Variants in CPT1A observed in about 807,000 individuals in gnomAD.
The protein encoded by CPT1A is carnitine palmitoyltransferase 1A, also known as carnitine O-palmitoyltransferase 1, liver isoform.
A neutral mutation model predicts 100.8 loss-of-function variants in CPT1A; 64 were observed. That is an observed-to-expected ratio of 0.63 (90% confidence interval 0.52 to 0.78). The LOEUF (loss-of-function observed/expected upper bound fraction) is 0.78, where lower values mean the gene tolerates loss of function less well. Among genes scored for constraint, CPT1A ranks in the 30% least tolerant of loss-of-function variants. The probability of loss-of-function intolerance (pLI) is 0.00; values close to 1 mark genes in which losing one functional copy is unlikely to be tolerated. For synonymous variants in CPT1A, 363 were observed against 396.0 expected (o/e 0.92, Z 0.99); for missense variants, 802 against 1,034.1 (o/e 0.78, Z 3.08).
chr11:68,789,160 T>C (rs1357362193), intron 9 of CPT1A, among the ~76,000 whole-genome samples: 1 of 152,230 alleles, frequency 6.6e-6, no homozygotes, highest in African/African-American at 2.4e-5. Context: ...TTCTAAATTT[T>C]GGTAGTAATT....
Position 68,819,377 on chromosome 11 carries a change from G to A in CPT1A, c.-13-3890C>T, listed in dbSNP as rs191928375. Among the ~76,000 whole-genome samples, 27 of 152,210 alleles carry A rather than the reference G, an allele frequency of 1.8e-4. 1 individual carries two copies. In the South Asian group the frequency reaches 2.3e-3, roughly 13 times the overall value. On this transcript the variant is annotated intron_variant, in intron 1 of 18. Coordinates refer to ENST00000265641, the MANE Select transcript of CPT1A (RefSeq NM_001876.4). ...TTACTGCTATGAGCCACCACGCCCC[G>A]CCTCAAGGTTAACTCTTAGCCCCCT...
chr11:68,760,552 G>A (rs533611463), intron 16 of CPT1A, among the ~76,000 whole-genome samples: 2 of 152,148 alleles, frequency 1.3e-5, no homozygotes, highest in Non-Finnish European at 2.9e-5. Context: ...AGTGCAGGGT[G>A]GGGGTGGGGG....
chr11:68,818,752 G>A (rs982143286), intron 1 of CPT1A: 1 of 152,226 alleles, frequency 6.6e-6, no homozygotes, highest in Non-Finnish European at 1.5e-5. Context: ...CAGCTACTTG[G>A]GAAGCTGAGG....
chr11:68,829,965 T>G (rs756961124), intron 1 of CPT1A, among the ~76,000 whole-genome samples: 2 of 152,114 alleles, frequency 1.3e-5, no homozygotes, highest in Non-Finnish European at 2.9e-5. Flanking sequence ...CTGCCCCAAG[T>G]GGACACGAGC....
intron 6 of CPT1A, 144 bp from the exon 7 acceptor site, chr11:68,797,077 G>C (rs1855774841): frequency 2.7e-6 from 2 of 742,460 alleles, no homozygotes; most frequent in Admixed American, 2.0e-5. Context: ...CCAGAACAGG[G>C]AACGCAGTCC....
intron 7 of CPT1A, 46 bp downstream of exon 7, chr11:68,796,810 C>A: frequency 1.3e-6 from 2 of 1,589,984 alleles, no homozygotes; most frequent in Non-Finnish European, 8.6e-7. Context: ...ACAGACCCGC[C>A]GCCCCACCGT....
intron 1 of CPT1A, among the ~76,000 whole-genome samples, chr11:68,818,398 G>A (rs1856489828): frequency 6.6e-6 from 1 of 152,190 alleles, no homozygotes; most frequent in South Asian, 2.1e-4. Context: ...TCCGGGTGGA[G>A]ATGCCCCACA....
chr11:68,794,792 T>C lies in CPT1A; in HGVS notation c.879+12A>G. 6.2e-7 allele frequency: 1 copy of C among 1,604,048 alleles called. No individual in the cohort carries two copies. The highest frequency in any genetic ancestry group is 8.5e-7 in the Non-Finnish European group (1 of 1,170,800). ...TTGAAAATAATTTTTTTAAAGCAATTTGTTTGCCTACTGGTTTGATTTCCT... is the reference window on the plus strand; with the variant it reads ...TTGAAAATAATTTTTTTAAAGCAATCTGTTTGCCTACTGGTTTGATTTCCT... On this transcript the variant is annotated intron_variant, in intron 8 of 18. Transcript: ENST00000265641.
At chr11:68,770,521 C>T (rs901765110) in intron 14 of CPT1A, among the ~76,000 whole-genome samples, 4 of 152,318 alleles carry the variant, frequency 2.6e-5, no homozygotes, top group East Asian at 3.9e-4. Context: ...TATTAATACA[C>T]GATGCCACTT....
intron 1 of CPT1A, among the ~76,000 whole-genome samples, chr11:68,832,144 G>T (rs1856896686): frequency 6.6e-6 from 1 of 152,184 alleles, no homozygotes; most frequent in African/African-American, 2.4e-5. Context: ...AAATAGCAGG[G>T]CTGGAAATCA....
At position 68,841,617 on chromosome 11, in the gene CPT1A, G is replaced by A. The variant is rs570900455; in HGVS notation, c.-14+158C>T. ...GGTTCAGGATCTCCACAACCCCGCC[G>A]TCCGGGGGGAATACCGGGGTTCCTC... On this transcript the variant is annotated intron_variant, in intron 1 of 18. Coordinates refer to ENST00000265641, the MANE Select transcript of CPT1A (RefSeq NM_001876.4). The surrounding 1 kb of genome is among the most constrained non-coding windows in gnomAD (Gnocchi z 6.3). 6.6e-6 allele frequency among the ~76,000 whole-genome samples: 1 copy of A among 152,214 alleles called. No homozygotes were observed. Among genetic ancestry groups the A allele is most frequent in the East Asian group, 1.9e-4 (1 of 5,178 alleles).
intron 1 of CPT1A, among the ~76,000 whole-genome samples, chr11:68,821,685 T>C (rs529136361): frequency 6.6e-6 from 1 of 152,248 alleles, no homozygotes; most frequent in African/African-American, 2.4e-5. Flanking sequence ...TTTTATTTTG[T>C]ATTATTTTTT....
At chr11:68,823,565 G>A (rs1856642124) in intron 1 of CPT1A, among the ~76,000 whole-genome samples, 1 of 151,866 alleles carries the variant, frequency 6.6e-6, no homozygotes, top group African/African-American at 2.4e-5. Flanking sequence ...GAGGCGGGAG[G>A]ATCAACTGAG....
At chr11:68,789,230 A>G (rs1294116955) in intron 9 of CPT1A, among the ~76,000 whole-genome samples, 3 of 152,190 alleles carry the variant, frequency 2.0e-5, no homozygotes, top group Non-Finnish European at 4.4e-5. Context: ...GACCCTTAAG[A>G]TAAGTCTATA....
At chr11:68,837,638 C>T (rs1857041325) in intron 1 of CPT1A, among the ~76,000 whole-genome samples, 1 of 152,146 alleles carries the variant, frequency 6.6e-6, no homozygotes, top group Non-Finnish European at 1.5e-5. Flanking sequence ...ACAGGAATAA[C>T]AGTGCCCCTC....
At chr11:68,803,717 T>A (rs545056790) in intron 5 of CPT1A, among the ~76,000 whole-genome samples, 85 of 71,576 alleles carry the variant, frequency 1.2e-3, no homozygotes, top group African/African-American at 4.5e-3. Flanking sequence ...TCACAAAAAA[T>A]AAAATAAAAT....
At chr11:68,826,588 A>T (rs1233319852) in intron 1 of CPT1A, among the ~76,000 whole-genome samples, 1 of 151,346 alleles carries the variant, frequency 6.6e-6, no homozygotes, top group Admixed American at 6.6e-5. Flanking sequence ...CAAAAAAAAA[A>T]TTAGCCGGGC....
chr11:68,809,245 C>T (rs528479896), intron 3 of CPT1A, among the ~76,000 whole-genome samples: 2 of 152,140 alleles, frequency 1.3e-5, no homozygotes, highest in Admixed American at 6.5e-5. Flanking sequence ...ATTTAAGAAG[C>T]TATCTTTTAG....
chr11:68,822,271 C>T (rs1566382999), intron 1 of CPT1A, among the ~76,000 whole-genome samples: 1 of 152,048 alleles, frequency 6.6e-6, no homozygotes, highest in African/African-American at 2.4e-5. Flanking sequence ...GTGGCTCACC[C>T]CTGTAATCCC....
Sources: allele counts gnomAD v4.1 joint callset (sites outside exome capture counted in the v4.1 genomes callset), GRCh38; gene constraint gnomAD v4.1.1; non-coding constraint Gnocchi (gnomAD v3.1); transcripts MANE v1.5; gene names NCBI Gene and HGNC (gene_info 2026-07-23, HGNC 2026-07-21).